The following DNAH14 variants were observed in gnomAD, a reference collection of about 807,000 sequenced individuals.
DNAH14 encodes the protein dynein axonemal heavy chain 14.
A neutral mutation model predicts 520.9 loss-of-function variants in DNAH14; 478 were observed. The observed-to-expected ratio is 0.92, with a 90% CI of 0.85 to 0.99. DNAH14 has a LOEUF of 0.99. Among genes scored for constraint, DNAH14 ranks in the 50% least tolerant of loss-of-function variants. DNAH14 has a pLI of 0.00. For missense variants in DNAH14, 4,831 were observed against 5,234.5 expected, an observed-to-expected ratio of 0.92 and a Z score of 2.38; for synonymous variants, 1,581 against 1,757.2, an observed-to-expected ratio of 0.90 and a Z score of 2.51.
At chr1:225,346,409 A>C (rs1177895472) in intron 70 of DNAH14, 29 bp downstream of exon 70, 1 of 1,527,370 alleles carries the variant, frequency 6.5e-7, no homozygotes, top group East Asian at 2.5e-5. Flanking sequence ...TGAATTTTAC[A>C]TGCTTATTTA....
intron 21 of DNAH14, among the ~76,000 whole-genome samples, chr1:225,094,656 C>CAAAAAAAAAAAA (rs760828776): frequency 1.0e-3 from 80 of 77,780 alleles, no homozygotes; most frequent in Non-Finnish European, 2.0e-3. Context: ...TTCTGCACAG[C>CAAAAAAAAAAAA]AAAAAAAAAA....
Position 225,068,124 on chromosome 1 carries a change from A to G in DNAH14, c.2425-11083A>G, listed in dbSNP as rs71229986. Among the ~76,000 whole-genome samples the G allele has an allele frequency of 4.6e-5, 7 of 152,244 alleles. No homozygotes were observed. The South Asian group carries it at 8.3e-4, about 18-fold the overall frequency. ...TAATTCATCTTGAGAAAATTTTTGT[A>G]TATGGTATAAGGAAGGGGTTCAATT... On this transcript the variant is annotated intron_variant, in intron 17 of 85. Coordinates refer to ENST00000682510, the MANE Select transcript of DNAH14 (RefSeq NM_001367479.1).
intron 43 of DNAH14, among the ~76,000 whole-genome samples, chr1:225,242,337 C>T (rs1485190468): frequency 6.6e-6 from 1 of 152,092 alleles, no homozygotes; most frequent in Non-Finnish European, 1.5e-5. Context: ...TGAAACAACA[C>T]TTAGCTTAAA....
At chr1:225,129,513 G>C (rs1031684748) in intron 27 of DNAH14, among the ~76,000 whole-genome samples, 25 of 151,830 alleles carry the variant, frequency 1.6e-4, no homozygotes, top group Admixed American at 2.0e-4. Context: ...AAATAATGCC[G>C]CATATCTACA....
chr1:225,236,494 T>C lies in DNAH14; in HGVS notation c.6519-4099T>C, dbSNP rs185825154. The stretch of plus-strand genomic sequence containing the variant: ...CATGTGGTAATGAGAAGAATGTATG[T>C]TGTGTTGTTTTTGGGTGAAGAGTTC... On this transcript the variant is annotated intron_variant, in intron 42 of 85. Coordinates refer to ENST00000682510, the MANE Select transcript of DNAH14 (RefSeq NM_001367479.1). 9.2e-5 allele frequency among the ~76,000 whole-genome samples: 14 copies of C among 152,266 alleles called. No individual in the cohort carries two copies. The East Asian group carries it at 2.5e-3, about 27-fold the overall frequency.
intron 23 of DNAH14, among the ~76,000 whole-genome samples, chr1:225,108,053 C>T (rs78493645): frequency 0.043 from 6,549 of 152,186 alleles, 416 homozygotes; most frequent in African/African-American, 0.14. Context: ...CCAGTCCCAC[C>T]CTCAATCTGG....
At chr1:225,100,942 A>G in intron 23 of DNAH14, 58 bp downstream of exon 23, 2 of 1,343,218 alleles carry the variant, frequency 1.5e-6, no homozygotes, top group South Asian at 1.5e-5. Flanking sequence ...AGTAAAAGTG[A>G]TATAATGTAA....
intron 15 of DNAH14, among the ~76,000 whole-genome samples, chr1:225,044,365 C>T (rs1304437255): frequency 6.6e-6 from 1 of 152,086 alleles, no homozygotes; most frequent in Non-Finnish European, 1.5e-5. Flanking sequence ...TCTGAAATTG[C>T]AGGCAATTAC....
intron 60 of DNAH14, among the ~76,000 whole-genome samples, chr1:225,316,224 GTCT>G (rs1381074537): frequency 1.3e-5 from 2 of 152,168 alleles, no homozygotes; most frequent in Non-Finnish European, 2.9e-5. Flanking sequence ...GGAGTCCCAG[GTCT>G]TCTTCAGACT....
chr1:225,204,236 G>A lies in DNAH14; in HGVS notation c.5940G>A (p.Glu1980=). 2 of 1,491,578 alleles carry A rather than the reference G, an allele frequency of 1.3e-6. No individual in the cohort carries two copies. Among genetic ancestry groups the A allele is most frequent in the East Asian group, 5.4e-5 (2 of 37,168 alleles). 92.4% of individuals were successfully genotyped at this position (1,491,578 alleles called of 1,614,324 possible). A position where few individuals can be genotyped will look rare whatever the true frequency, so the allele number is the denominator to read the frequency against. The change falls in exon 39 of 86, where the codon GAG becomes GAA. Residue 1980 remains glutamate (E), a synonymous_variant. Transcript: ENST00000682510. ...DTTETDDNIF[E]EIEKVVKIPE... ...CAGAGACTGATGATAATATTTTTGA[G>A]GAGATAGAGAAAGTTGTTAAAATTC...
intron 60 of DNAH14, among the ~76,000 whole-genome samples, chr1:225,309,851 C>T (rs1376830941): frequency 6.6e-6 from 1 of 152,016 alleles, no homozygotes; most frequent in Non-Finnish European, 1.5e-5. Flanking sequence ...CAAGATGGCG[C>T]CACTGCACTC....
intron 33 of DNAH14, among the ~76,000 whole-genome samples, chr1:225,153,220 A>G (rs1274274453): frequency 2.0e-5 from 3 of 152,160 alleles, no homozygotes; most frequent in Admixed American, 6.5e-5. Context: ...ATTGTATACC[A>G]GAATCATTTG....
chr1:225,035,051 T>TG (rs1310879278), intron 11 of DNAH14, among the ~76,000 whole-genome samples: 1 of 52,682 alleles, frequency 1.9e-5, no homozygotes, highest in African/African-American at 4.0e-5. Flanking sequence ...ATCTTTAAAA[T>TG]GTTTTTTTTG....
intron 10 of DNAH14, among the ~76,000 whole-genome samples, chr1:225,011,215 C>G (rs2064707731): frequency 6.6e-6 from 1 of 152,014 alleles, no homozygotes; most frequent in African/African-American, 2.4e-5. Context: ...AGATCTTTCC[C>G]ACTTTCTCCT....
chr1:224,987,367 GT>G (rs978177845), intron 8 of DNAH14, among the ~76,000 whole-genome samples: 1 of 152,134 alleles, frequency 6.6e-6, no homozygotes, highest in African/African-American at 2.4e-5. Flanking sequence ...CTGCATTTTT[GT>G]TTTATTCAGG....
intron 41 of DNAH14, among the ~76,000 whole-genome samples, chr1:225,208,695 A>C (rs2087929944): frequency 6.6e-6 from 1 of 152,178 alleles, no homozygotes; most frequent in Non-Finnish European, 1.5e-5. Flanking sequence ...GGAGTATTTA[A>C]ACATGACAAA....
intron 8 of DNAH14, among the ~76,000 whole-genome samples, chr1:224,981,656 G>C (rs771809259): frequency 1.3e-5 from 2 of 151,992 alleles, no homozygotes; most frequent in Non-Finnish European, 2.9e-5. Context: ...TTCTCAGTGA[G>C]GTTATTTGGA....
chr1:225,268,109 G>A (rs1014854414), intron 49 of DNAH14, among the ~76,000 whole-genome samples: 4 of 152,026 alleles, frequency 2.6e-5, no homozygotes, highest in South Asian at 2.1e-4. Context: ...ATAACCAGAA[G>A]CCTCTTTGCT....
intron 83 of DNAH14, 38 bp from the exon 84 acceptor site, chr1:225,392,253 C>T: frequency 1.0e-5 from 16 of 1,548,684 alleles, no homozygotes; most frequent in Non-Finnish European, 1.4e-5. Flanking sequence ...GGCCCTGAGA[C>T]TCACAAGGAA....
Sources: gnomAD v4.1 joint callset for allele counts (sites outside exome capture counted in the v4.1 genomes callset) on GRCh38, gnomAD v4.1.1 for gene constraint, MANE v1.5 for transcripts, NCBI Gene and HGNC (gene_info 2026-07-23, HGNC 2026-07-21) for gene names.